Variants in TBC1D1 observed in about 807,000 individuals in gnomAD.
TBC1D1 encodes the protein TBC1 (tre-2/USP6, BUB2, cdc16) domain family, member 1.
Under a neutral mutation model 125.6 loss-of-function variants are expected in TBC1D1, and 89 were observed. The ratio of observed to expected loss-of-function variants is 0.71; its 90% CI spans 0.60 to 0.85. The LOEUF (loss-of-function observed/expected upper bound fraction) is 0.85. Ranked by LOEUF, TBC1D1 falls within the 40% of genes least tolerant of loss-of-function variation. TBC1D1 has a pLI of 0.00. For synonymous variants in TBC1D1, 565 were observed against 564.1 expected, an observed-to-expected ratio of 1.00 and a Z score of -0.02; for missense variants, 1,377 against 1,469.2, an observed-to-expected ratio of 0.94 and a Z score of 1.03.
At chr4:38,095,874 T>C (rs1265489089) in intron 13 of TBC1D1, 55 bp from the exon 16 acceptor site, 2 of 1,528,208 alleles carry the variant, frequency 1.3e-6, no homozygotes, top group Non-Finnish European at 1.8e-6. Flanking sequence ...TGTTGTGTAA[T>C]GGAAATTCCA....
intron 13 of TBC1D1, among the ~76,000 whole-genome samples, chr4:38,090,881 G>A (rs761285401): frequency 6.6e-6 from 1 of 152,092 alleles, no homozygotes; most frequent in Non-Finnish European, 1.5e-5. Flanking sequence ...GAACAATTTT[G>A]GAATTACAGT....
intron 2 of TBC1D1, among the ~76,000 whole-genome samples, chr4:37,989,451 A>G (rs1736108342): frequency 6.6e-6 from 1 of 152,230 alleles, no homozygotes. Context: ...TAAAATGTAT[A>G]AAGCAAGCTA....
chr4:37,984,625 C>T (rs1196668186), intron 2 of TBC1D1, among the ~76,000 whole-genome samples: 1 of 152,060 alleles, frequency 6.6e-6, no homozygotes, highest in Non-Finnish European at 1.5e-5. Flanking sequence ...GGGTGGATCA[C>T]TTGAGGCCAG....
At chr4:37,976,317 C>T (rs1185136089) in intron 2 of TBC1D1, among the ~76,000 whole-genome samples, 1 of 152,218 alleles carries the variant, frequency 6.6e-6, no homozygotes. Flanking sequence ...AACAGCTTGG[C>T]TGAAATTTTA....
At chr4:38,025,643 C>G (rs546753342) in intron 6 of TBC1D1, among the ~76,000 whole-genome samples, 3 of 152,328 alleles carry the variant, frequency 2.0e-5, no homozygotes, top group Admixed American at 6.5e-5. Flanking sequence ...CTGAATGTTT[C>G]ATGAAACAAT....
At chr4:38,021,852 C>G (rs1213634386) in intron 6 of TBC1D1, 134 bp downstream of exon 6, 6 of 1,038,722 alleles carry the variant, frequency 5.8e-6, no homozygotes, top group East Asian at 3.2e-5. Flanking sequence ...TAGGTGGACT[C>G]TCAGTGTGCA....
At chr4:38,136,031 C>G (rs1766551032) in intron 19 of TBC1D1, among the ~76,000 whole-genome samples, 1 of 151,204 alleles carries the variant, frequency 6.6e-6, no homozygotes, top group South Asian at 2.1e-4. Flanking sequence ...TGAGATAGAC[C>G]AAGTCACAGA....
At chr4:38,068,624 C>T (rs776058503) in intron 12 of TBC1D1, among the ~76,000 whole-genome samples, 4 of 152,160 alleles carry the variant, frequency 2.6e-5, no homozygotes, top group Non-Finnish European at 4.4e-5. Flanking sequence ...TGTACAGTAA[C>T]CAACAGCCAC....
Position 37,892,198 on chromosome 4 carries a change from C to A in TBC1D1, c.-94+850C>A, listed in dbSNP as rs145147951. On this transcript the variant is annotated intron_variant, in intron 1 of 19. Coordinates refer to ENST00000261439, the MANE Select transcript of TBC1D1 (RefSeq NM_015173.4). ...CTTTGAAAGAGCATTTAAAAATGACCTGGTTTAAATAGGTCACACCCAAGA... is the reference window on the plus strand; with the variant it reads ...CTTTGAAAGAGCATTTAAAAATGACATGGTTTAAATAGGTCACACCCAAGA... Among the ~76,000 whole-genome samples the A allele has an allele frequency of 5.3e-5, 8 of 152,146 alleles. No individual in the cohort carries two copies. In the East Asian group the frequency reaches 1.5e-3, roughly 29 times the overall value.
At chr4:37,993,683 G>C (rs1483331047) in intron 2 of TBC1D1, among the ~76,000 whole-genome samples, 2 of 152,220 alleles carry the variant, frequency 1.3e-5, no homozygotes, top group Non-Finnish European at 2.9e-5. Flanking sequence ...CCGGGTTCAA[G>C]CAATTCTCCT....
At chr4:38,038,894 C>T (rs1261189718) in intron 8 of TBC1D1, among the ~76,000 whole-genome samples, 1 of 150,542 alleles carries the variant, frequency 6.6e-6, no homozygotes, top group African/African-American at 2.4e-5. Flanking sequence ...TGCAGTGAGC[C>T]GAGGTCGCAC....
chr4:38,111,147 G>A (rs1762134218), intron 15 of TBC1D1, among the ~76,000 whole-genome samples: 1 of 152,222 alleles, frequency 6.6e-6, no homozygotes, highest in South Asian at 2.1e-4. Flanking sequence ...GAGCTGGAGG[G>A]CTACAGTGCT....
chr4:38,104,749 AT>A (rs33994276), intron 15 of TBC1D1, among the ~76,000 whole-genome samples: 12 of 148,654 alleles, frequency 8.1e-5, no homozygotes, highest in Admixed American at 4.0e-4. Flanking sequence ...CCTTAAGGTT[AT>A]TTTTTTTTTT....
chr4:38,028,106 TA>T (rs1197627194), intron 7 of TBC1D1, among the ~76,000 whole-genome samples: 1 of 148,134 alleles, frequency 6.8e-6, no homozygotes, highest in Non-Finnish European at 1.5e-5. Context: ...GATGAGCTGC[TA>T]AAAAAACAAA....
chr4:37,940,186 T>C (rs867424045), intron 2 of TBC1D1, among the ~76,000 whole-genome samples: 7 of 152,232 alleles, frequency 4.6e-5, no homozygotes, highest in Admixed American at 6.5e-5. Context: ...GTTTGTGTCC[T>C]CTTTTATTTC....
rs748738495 is a variant in TBC1D1, at chr4:38,115,963, T to C, written c.2802+9T>C. 3 of 1,610,974 alleles carry C rather than the reference T, an allele frequency of 1.9e-6. No homozygotes were observed. The highest frequency in any genetic ancestry group is 1.7e-6 in the Non-Finnish European group (2 of 1,177,848). On this transcript the variant is annotated intron_variant, in intron 16 of 19. Transcript: ENST00000261439. ...ACATGATTATTTTACAGGTATAGAG[T>C]GTTCCTTATGTCTTTAATACAACAA...
At chr4:37,902,666 A>G (rs1169349917) in intron 2 of TBC1D1, among the ~76,000 whole-genome samples, 154 bp downstream of exon 2, 1 of 152,232 alleles carries the variant, frequency 6.6e-6, no homozygotes, top group Non-Finnish European at 1.5e-5. Flanking sequence ...TTTTATGGTG[A>G]TAGTTTATAG....
At chr4:38,086,750 C>T (rs1757547961) in intron 12 of TBC1D1, among the ~76,000 whole-genome samples, 3 of 152,120 alleles carry the variant, frequency 2.0e-5, no homozygotes, top group East Asian at 1.9e-4. Context: ...AAAGCTGCAG[C>T]GTGGAGCCCT....
chr4:37,900,570 C>T (rs1456325944), intron 1 of TBC1D1, among the ~76,000 whole-genome samples: 5 of 152,094 alleles, frequency 3.3e-5, no homozygotes. Context: ...GCAACGCCTG[C>T]CTTCATGGAG....
Sources: gnomAD v4.1 joint callset for allele counts (sites outside exome capture counted in the v4.1 genomes callset) on GRCh38, gnomAD v4.1.1 for gene constraint, MANE v1.5 for transcripts, NCBI Gene and HGNC (gene_info 2026-07-23, HGNC 2026-07-21) for gene names.